The following GRIP1 variants were observed in gnomAD, a reference collection of about 807,000 sequenced individuals.
GRIP1 encodes the protein glutamate receptor-interacting protein 1.
A neutral mutation model predicts 129.9 loss-of-function variants in GRIP1; 45 were observed. That is an observed-to-expected ratio of 0.35 (90% CI 0.27 to 0.44). The LOEUF (loss-of-function observed/expected upper bound fraction) is 0.44, where lower values mean the gene tolerates loss of function less well. Ranked by LOEUF, GRIP1 falls within the 20% of genes least tolerant of loss-of-function variation. The pLI, the probability that GRIP1 is intolerant of heterozygous loss-of-function variation, is 1.00. For synonymous variants in GRIP1, 530 were observed against 520.8 expected, an observed-to-expected ratio of 1.02 and a Z score of -0.24; for missense variants, 1,196 against 1,396.8, an observed-to-expected ratio of 0.86 and a Z score of 2.29.
intron 1 of GRIP1, among the ~76,000 whole-genome samples, chr12:66,879,057 T>C (rs902704829): frequency 6.6e-6 from 1 of 151,954 alleles, no homozygotes; most frequent in African/African-American, 2.4e-5. Flanking sequence ...ATAATGTTTA[T>C]GATTCCCAGC....
intron 1 of GRIP1, among the ~76,000 whole-genome samples, chr12:66,651,831 ATTTTT>A (rs969970599): frequency 2.0e-5 from 3 of 151,424 alleles, no homozygotes; most frequent in Admixed American, 6.6e-5. Flanking sequence ...ACTTCTAAAT[ATTTTT>A]TTTTAATTAA....
chr12:66,721,665 C>G (rs762905691), intron 1 of GRIP1, among the ~76,000 whole-genome samples: 55 of 152,198 alleles, frequency 3.6e-4, no homozygotes, highest in Non-Finnish European at 4.9e-4. Flanking sequence ...CTGTAAAACT[C>G]TGAAGCCAGT....
chr12:66,706,560 T>G (rs1476965779), intron 1 of GRIP1, among the ~76,000 whole-genome samples: 3 of 152,070 alleles, frequency 2.0e-5, no homozygotes, highest in Non-Finnish European at 4.4e-5. Context: ...TAAAGACACA[T>G]GCACACGTAT....
intron 2 of GRIP1, among the ~76,000 whole-genome samples, chr12:66,581,290 C>A (rs986622949): frequency 6.6e-6 from 1 of 151,440 alleles, no homozygotes; most frequent in Non-Finnish European, 1.5e-5. Flanking sequence ...TAAATGCCCA[C>A]AAGAGAAAGC....
At chr12:67,056,195 A>G (rs1247855174) in intron 1 of GRIP1, among the ~76,000 whole-genome samples, 2 of 152,176 alleles carry the variant, frequency 1.3e-5, no homozygotes, top group Non-Finnish European at 2.9e-5. Context: ...GAACCATTTC[A>G]TTTTGCATAT....
intron 13 of GRIP1, among the ~76,000 whole-genome samples, chr12:66,436,397 T>C (rs933699820): frequency 6.6e-6 from 1 of 152,106 alleles, no homozygotes; most frequent in Non-Finnish European, 1.5e-5. Flanking sequence ...CAAAGATATA[T>C]ATTTTTTTCC....
At chr12:66,782,094 C>G (rs2038179051) in intron 1 of GRIP1, among the ~76,000 whole-genome samples, 1 of 152,134 alleles carries the variant, frequency 6.6e-6, no homozygotes, top group Non-Finnish European at 1.5e-5. Context: ...GAGGTGCTGG[C>G]TAATGTTCTA....
At chr12:66,473,410 C>G (rs527550527) in intron 7 of GRIP1, among the ~76,000 whole-genome samples, 1 of 152,338 alleles carries the variant, frequency 6.6e-6, no homozygotes, top group South Asian at 2.1e-4. Context: ...TTTCAGCAGA[C>G]TTAAATGTTC....
intron 2 of GRIP1, among the ~76,000 whole-genome samples, chr12:66,579,662 G>A (rs2063292949): frequency 6.6e-6 from 1 of 152,108 alleles, no homozygotes; most frequent in Non-Finnish European, 1.5e-5. Context: ...TATCAGCAAT[G>A]GAAGATGAAA....
At chr12:66,605,480 A>G (rs1233008119) in intron 1 of GRIP1, among the ~76,000 whole-genome samples, 1 of 152,194 alleles carries the variant, frequency 6.6e-6, no homozygotes, top group Non-Finnish European at 1.5e-5. Flanking sequence ...AAATGCAATC[A>G]GGATGACTTC....
chr12:67,011,446 T>C (rs1409134444), intron 1 of GRIP1, among the ~76,000 whole-genome samples: 1 of 152,208 alleles, frequency 6.6e-6, no homozygotes, highest in Non-Finnish European at 1.5e-5. Flanking sequence ...ACCTGGCCCC[T>C]GCTACCTCTC....
chr12:66,566,399 C>T (rs1268300282), intron 2 of GRIP1, among the ~76,000 whole-genome samples: 2 of 152,134 alleles, frequency 1.3e-5, no homozygotes, highest in Non-Finnish European at 2.9e-5. Context: ...GTCTTTGGTT[C>T]TGTTTATATG....
intron 1 of GRIP1, among the ~76,000 whole-genome samples, chr12:66,975,731 T>C (rs2042141848): frequency 6.6e-6 from 1 of 152,174 alleles, no homozygotes; most frequent in African/African-American, 2.4e-5. Flanking sequence ...AGTGTTCCCA[T>C]GATCCAAGAG....
intron 1 of GRIP1, among the ~76,000 whole-genome samples, chr12:66,610,174 C>A (rs1318713307): frequency 6.6e-6 from 1 of 151,938 alleles, no homozygotes; most frequent in African/African-American, 2.4e-5. Context: ...AGTTGAATAT[C>A]AATGCCTTAT....
chr12:66,678,801 A>T, intron 1 of GRIP1, 49 bp downstream of exon 1: 1 of 1,525,634 alleles, frequency 6.6e-7, no homozygotes, highest in South Asian at 1.1e-5. Context: ...CTGTGTTTAT[A>T]GGATACTGCA....
At chr12:67,008,648 A>C (rs2042661908) in intron 1 of GRIP1, among the ~76,000 whole-genome samples, 2 of 152,120 alleles carry the variant, frequency 1.3e-5, no homozygotes, top group South Asian at 4.1e-4. Flanking sequence ...CCTACCCCTC[A>C]GGTTTCTCAC....
At chr12:66,952,271 G>A (rs1455688397) in intron 1 of GRIP1, among the ~76,000 whole-genome samples, 1 of 152,116 alleles carries the variant, frequency 6.6e-6, no homozygotes, top group African/African-American at 2.4e-5. Flanking sequence ...TTCAAGAAGG[G>A]AGTGGCCATC....
intron 1 of GRIP1, among the ~76,000 whole-genome samples, chr12:66,662,556 A>G (rs1052017698): frequency 6.6e-6 from 1 of 152,132 alleles, no homozygotes; most frequent in African/African-American, 2.4e-5. Context: ...CTTTCTTTAG[A>G]TGATTGGGTG....
chr12:66,535,988 G>A (rs150578502), intron 4 of GRIP1, among the ~76,000 whole-genome samples: 40 of 152,244 alleles, frequency 2.6e-4, no homozygotes, highest in African/African-American at 9.4e-4. Context: ...TCACAAATCA[G>A]CTCTGCCCAC....
Sources: allele counts gnomAD v4.1 joint callset (sites outside exome capture counted in the v4.1 genomes callset), GRCh38; gene constraint gnomAD v4.1.1; transcripts MANE v1.5; gene names NCBI Gene and HGNC (gene_info 2026-07-23, HGNC 2026-07-21).